Variants in CSTL1 observed in about 807,000 individuals in gnomAD.
CSTL1 encodes the protein cystatin like 1.
CSTL1 carries 14 observed loss-of-function variants against 14.4 expected under a neutral mutation model. The observed-to-expected ratio is 0.97, with a 90% confidence interval of 0.64 to 1.52. CSTL1 has a LOEUF of 1.52. Ranked by LOEUF, CSTL1 falls within the 40% of genes most tolerant of loss-of-function variation. CSTL1 has a pLI of 0.00. For synonymous variants in CSTL1, 72 were observed against 67.5 expected (o/e 1.07, Z -0.33); for missense variants, 170 against 168.7 (o/e 1.01, Z -0.04).
At chr20:23,452,711 A>G in the CSTL1 span, 1 of 1,614,096 alleles carries the variant, frequency 6.2e-7, no homozygotes, top group Non-Finnish European at 8.5e-7. Context: ...CACTTCATGG[A>G]CGCTTAGAAA....
chr20:23,449,352 A>G (rs1395850512), downstream of CSTL1, among the ~76,000 whole-genome samples: 1 of 149,940 alleles, frequency 6.7e-6, no homozygotes, highest in East Asian at 2.0e-4. Flanking sequence ...AAATACCCCA[A>G]CTCCCTCTCC....
At chr20:23,449,330 G>C (rs1286891617), downstream of CSTL1, among the ~76,000 whole-genome samples, 1 of 152,178 alleles carries the variant, frequency 6.6e-6, no homozygotes, top group Non-Finnish European at 1.5e-5. Flanking sequence ...GATGGGAACT[G>C]AACTGTTGGA....
the CSTL1 span, among the ~76,000 whole-genome samples, chr20:23,454,452 A>G: frequency 6.6e-6 from 1 of 152,106 alleles, no homozygotes; most frequent in Non-Finnish European, 1.5e-5. Context: ...ACACAGACAC[A>G]GTACACACAC....
chr20:23,450,454 C>G, the CSTL1 span: 1 of 1,133,024 alleles, frequency 8.8e-7, no homozygotes, highest in Non-Finnish European at 1.3e-6. Flanking sequence ...GATTATTGCC[C>G]ATTGCAGGAT....
chr20:23,448,551 A>G (rs1987011137), downstream of CSTL1, among the ~76,000 whole-genome samples: 1 of 152,252 alleles, frequency 6.6e-6, no homozygotes, highest in Non-Finnish European at 1.5e-5. Flanking sequence ...AACTAGAGGA[A>G]GGACACAGAG....
the CSTL1 span, chr20:23,452,807 A>G: frequency 3.2e-5 from 52 of 1,612,418 alleles, no homozygotes; most frequent in Non-Finnish European, 4.2e-5. Context: ...GGGCTCAGCC[A>G]TCATCCTTCA....
chr20:23,449,786 G>T (rs1313752008), downstream of CSTL1, among the ~76,000 whole-genome samples: 2 of 152,184 alleles, frequency 1.3e-5, no homozygotes, highest in East Asian at 3.9e-4. Flanking sequence ...TGTTTGGGAA[G>T]AATGAACTGG....
In CSTL1 at chr20:23,444,782, C is replaced by A; in HGVS notation, c.342C>A (p.Cys114Ter). Reference sequence around the variant, plus strand: ...TTCTTCTTCTACAGAGTTTAATTTGCGAGTCTTTGATATACACCATGCCCT... The same window carrying A: ...TTCTTCTTCTACAGAGTTTAATTTGAGAGTCTTTGATATACACCATGCCCT... Reference protein sequence around the residue: ...QSKKLRKSLICESLIYTMPWI... With the variant: ...QSKKLRKSLI The change falls in exon 4 of 4, where the codon TGC becomes TGA. Residue 114 changes from cysteine to a stop codon, truncating the protein, a stop_gained. Transcript: ENST00000347397. LOFTEE classifies it low-confidence loss of function (END_TRUNC). 1.9e-6 allele frequency: 3 copies of A among 1,610,022 alleles called. No homozygotes were observed. The highest frequency in any genetic ancestry group is 2.6e-6 in the Non-Finnish European group (3 of 1,176,322).
chr20:23,458,315 G>A, the CSTL1 span, among the ~76,000 whole-genome samples: 7 of 152,236 alleles, frequency 4.6e-5, no homozygotes, highest in African/African-American at 1.7e-4. Flanking sequence ...GATGCTATCT[G>A]GCCACCAAAC....
chr20:23,452,930 C>T, the CSTL1 span: 1 of 689,846 alleles, frequency 1.4e-6, no homozygotes, highest in African/African-American at 1.8e-5. Context: ...ACACCCACAG[C>T]TCTCCTCTCC....
intron 3 of CSTL1, among the ~76,000 whole-genome samples, chr20:23,444,522 G>A (rs1214916008): frequency 3.3e-5 from 5 of 152,154 alleles, no homozygotes; most frequent in Non-Finnish European, 7.3e-5. Context: ...CACATGACAG[G>A]GTCCGGCCAG....
chr20:23,445,987 T>C (rs1986958041), downstream of CSTL1, among the ~76,000 whole-genome samples: 1 of 152,128 alleles, frequency 6.6e-6, no homozygotes, highest in Non-Finnish European at 1.5e-5. Context: ...TGGCAGTATG[T>C]GTCACAAGGA....
At chr20:23,459,106 C>T in the CSTL1 span, 2 of 152,264 alleles carry the variant, frequency 1.3e-5, no homozygotes, top group South Asian at 4.1e-4. Context: ...ACAATCTCCT[C>T]CAGGAAGCGC....
intron 2 of CSTL1, among the ~76,000 whole-genome samples, chr20:23,441,170 A>G (rs1201457647): frequency 6.6e-6 from 1 of 152,222 alleles, no homozygotes; most frequent in Admixed American, 6.5e-5. Context: ...AAATACAAAT[A>G]TTCTCTGTAG....
At chr20:23,449,114 C>T (rs969080974), downstream of CSTL1, among the ~76,000 whole-genome samples, 4 of 152,204 alleles carry the variant, frequency 2.6e-5, no homozygotes, top group East Asian at 1.9e-4. Flanking sequence ...GTGTTGCTGA[C>T]GTGCATCTCA....
intron 3 of CSTL1, 66 bp from the exon 4 acceptor site, chr20:23,444,705 C>G (rs1986927105): frequency 8.8e-6 from 9 of 1,023,580 alleles, no homozygotes; most frequent in Non-Finnish European, 1.4e-5. Context: ...ACCTGGGGAA[C>G]AGGTGCCTGT....
chr20:23,443,236 G>A (rs1394587465), intron 2 of CSTL1, among the ~76,000 whole-genome samples: 1 of 152,192 alleles, frequency 6.6e-6, no homozygotes, highest in African/African-American at 2.4e-5. Context: ...CACTGAATCT[G>A]CTTCAAAGTA....
the CSTL1 span, among the ~76,000 whole-genome samples, chr20:23,460,128 G>A: frequency 6.6e-6 from 1 of 152,192 alleles, no homozygotes; most frequent in South Asian, 2.1e-4. Context: ...CACCTAAAAT[G>A]CATTTATACC....
chr20:23,444,363 G>A (rs12624341), intron 3 of CSTL1, among the ~76,000 whole-genome samples: 14,948 of 152,278 alleles, frequency 0.098, 1,200 homozygotes, highest in African/African-American at 0.22. Flanking sequence ...GGTCTCTAAG[G>A]TTGTCCAATT....
Sources: gnomAD v4.1 joint callset for allele counts (sites outside exome capture counted in the v4.1 genomes callset) on GRCh38, gnomAD v4.1.1 for gene constraint, MANE v1.5 for transcripts, NCBI Gene and HGNC (gene_info 2026-07-23, HGNC 2026-07-21) for gene names.